Variants in ANOS1 observed in about 807,000 individuals in gnomAD.
ANOS1 encodes anosmin 1.
In ANOS1, 6 loss-of-function variants were observed where a neutral mutation model predicts 59.0. That is an observed-to-expected ratio of 0.10 (90% confidence interval 0.06 to 0.20). The LOEUF (loss-of-function observed/expected upper bound fraction) is 0.20, where lower values mean the gene tolerates loss of function less well. ANOS1 is among the 10% of genes least tolerant of loss of function. The pLI is 1.00. For missense variants in ANOS1, 433 were observed against 542.3 expected (o/e 0.80, Z 2.00); for synonymous variants, 217 against 223.4 (o/e 0.97, Z 0.25).
At chrX:8,662,409 G>A (rs758521710) in intron 2 of ANOS1, among the ~76,000 whole-genome samples, 5 of 111,425 alleles carry the variant, frequency 4.5e-5, no homozygotes, top group Admixed American at 9.6e-5. Flanking sequence ...TCATCTTCGC[G>A]GGCCATGCAG....
rs1304219147 is a variant in ANOS1 at position 8,536,188 on chromosome X, CT to C, written c.1622-378del. 8.9e-3 allele frequency among the ~76,000 whole-genome samples: 284 copies of C among 31,883 alleles called. 8 individuals carry two copies. In the Admixed American group the frequency reaches 0.11, roughly 12 times the overall value. The allele number at this position is 31,883 out of a possible 115,157, so 27.7% of individuals were successfully genotyped here. A position where few individuals can be genotyped will look rare whatever the true frequency, so the allele number is the denominator to read the frequency against. On this transcript the variant is annotated intron_variant, in intron 11 of 13. Transcript: ENST00000262648. ...GTTAGAAGAGTTATTAAATCCGAAG[CT>C]TTTTTTTTTTTTTTTTTTTTTTTTT...
intron 5 of ANOS1, among the ~76,000 whole-genome samples, chrX:8,586,869 A>G (rs1304981150): frequency 9.6e-6 from 1 of 104,593 alleles, no homozygotes; most frequent in Non-Finnish European, 2.0e-5. Flanking sequence ...GTTTTATTTT[A>G]GTGCTTAACC....
chrX:8,565,513 G>C (rs1930095489), intron 8 of ANOS1, among the ~76,000 whole-genome samples: 1 of 112,152 alleles, frequency 8.9e-6, no homozygotes, highest in African/African-American at 3.2e-5. Context: ...TCTTTACAAA[G>C]AATAGATATT....
chrX:8,716,870 GAC>G, intron 1 of ANOS1, among the ~76,000 whole-genome samples: 2 of 112,045 alleles, frequency 1.8e-5, no homozygotes, highest in East Asian at 5.6e-4. Flanking sequence ...GATAGAGACA[GAC>G]ACAGAGATAG....
chrX:8,556,412 G>T (rs1157511282), intron 8 of ANOS1, among the ~76,000 whole-genome samples: 1 of 112,020 alleles, frequency 8.9e-6, no homozygotes, highest in Non-Finnish European at 1.9e-5. Context: ...CAGATGACAT[G>T]ATTGTATATT....
rs771959781 is a variant in ANOS1, at chrX:8,600,504, T to C, written c.319-3248A>G. On this transcript the variant is annotated intron_variant, in intron 3 of 13. Coordinates refer to ENST00000262648, the MANE Select transcript of ANOS1 (RefSeq NM_000216.4). Reference sequence around the variant, plus strand: ...ACATGAGTTGACTGAACTAAAATTATTTCTCAATTTAAGAACTTTAAGGTA... The same window carrying C: ...ACATGAGTTGACTGAACTAAAATTACTTCTCAATTTAAGAACTTTAAGGTA... 1.9e-4 allele frequency among the ~76,000 whole-genome samples: 21 copies of C among 112,515 alleles called. No individual in the cohort carries two copies. The East Asian group carries it at 5.8e-3, about 31-fold the overall frequency.
At chrX:8,573,581 G>C (rs1190331745) in intron 6 of ANOS1, among the ~76,000 whole-genome samples, 1 of 111,352 alleles carries the variant, frequency 9.0e-6, no homozygotes, top group Admixed American at 9.5e-5. Flanking sequence ...CTTTAACATA[G>C]ACTATGCTCC....
Position 8,544,896 on chromosome X carries a change from G to A in ANOS1, c.1355-5138C>T, listed in dbSNP as rs138703653. ...GGCCTGACCAACATGGAGAAACCCCGTCTCTACTAAAAATACAAAATTAGC... is the reference window on the plus strand; with the variant it reads ...GGCCTGACCAACATGGAGAAACCCCATCTCTACTAAAAATACAAAATTAGC... On this transcript the variant is annotated intron_variant, in intron 9 of 13. Coordinates refer to ENST00000262648, the MANE Select transcript of ANOS1 (RefSeq NM_000216.4). Among the ~76,000 whole-genome samples the A allele has an allele frequency of 9.5e-3, 1,028 of 107,968 alleles. 15 individuals are homozygous for A. The highest frequency in any genetic ancestry group is 0.033 in the African/African-American group (967 of 29,645). The allele number at this position is 107,968 out of a possible 115,157, so 93.8% of individuals were successfully genotyped here. A position where few individuals can be genotyped will look rare whatever the true frequency, so the allele number is the denominator to read the frequency against.
chrX:8,685,623 A>AGAAG, intron 2 of ANOS1, among the ~76,000 whole-genome samples: 1 of 102,724 alleles, frequency 9.7e-6, no homozygotes, highest in South Asian at 4.8e-4. Flanking sequence ...AAAGAAAGAA[A>AGAAG]GAAAGAAAGA....
chrX:8,581,049 T>C (rs1930412239), intron 6 of ANOS1, among the ~76,000 whole-genome samples: 1 of 111,732 alleles, frequency 8.9e-6, no homozygotes, highest in South Asian at 3.7e-4. Flanking sequence ...ACCACGGTCA[T>C]TGCAGTTATT....
intron 2 of ANOS1, among the ~76,000 whole-genome samples, chrX:8,694,000 G>T (rs754613336): frequency 3.6e-5 from 4 of 111,428 alleles, no homozygotes; most frequent in African/African-American, 1.3e-4. Context: ...GGGATTACAG[G>T]CGTGGGCCAC....
chrX:8,636,790 A>G (rs5933674), intron 2 of ANOS1, among the ~76,000 whole-genome samples: 40,895 of 110,793 alleles, frequency 0.37, 5,855 homozygotes, highest in Middle Eastern at 0.55. Flanking sequence ...AGCTTTGTCA[A>G]CATGAAAGCT....
At chrX:8,656,247 G>A (rs1049114712) in intron 2 of ANOS1, among the ~76,000 whole-genome samples, 1 of 112,590 alleles carries the variant, frequency 8.9e-6, no homozygotes, top group South Asian at 3.7e-4. Context: ...GGCTAAACCT[G>A]TTGCCTCTCT....
At chrX:8,546,863 G>T (rs1379271142) in intron 9 of ANOS1, among the ~76,000 whole-genome samples, 2 of 111,699 alleles carry the variant, frequency 1.8e-5, no homozygotes, top group Non-Finnish European at 1.9e-5. Context: ...CTTCAGGCAG[G>T]TCTTAATATC....
intron 2 of ANOS1, among the ~76,000 whole-genome samples, chrX:8,625,156 C>T (rs995488137): frequency 5.4e-4 from 60 of 110,412 alleles, no homozygotes; most frequent in African/African-American, 1.7e-3. Context: ...TGTGTACATA[C>T]GGGATGTCTG....
rs192011401 is a variant in ANOS1, at chrX:8,555,292, C to T, written c.1208-1194G>A. 5.9e-4 allele frequency among the ~76,000 whole-genome samples: 65 copies of T among 110,713 alleles called. 1 individual carries two copies. Among genetic ancestry groups the T allele is most frequent in the Admixed American group, 5.6e-3 (58 of 10,323 alleles). The stretch of plus-strand genomic sequence containing the variant: ...GGAGAAAGCGGGGAAGATCTAAAAT[C>T]GACACCCTAACATCACAATTAAAAG... On this transcript the variant is annotated intron_variant, in intron 8 of 13. Transcript: ENST00000262648.
chrX:8,703,139 T>C (rs1932764830), intron 1 of ANOS1, among the ~76,000 whole-genome samples: 1 of 112,369 alleles, frequency 8.9e-6, no homozygotes, highest in African/African-American at 3.2e-5. Context: ...ATTTTGTCTG[T>C]GTCTTGGTTG....
intron 2 of ANOS1, among the ~76,000 whole-genome samples, chrX:8,629,327 C>A (rs543609426): frequency 8.9e-6 from 1 of 111,735 alleles, no homozygotes; most frequent in Admixed American, 9.5e-5. Context: ...GTTAAGGAAA[C>A]AAAGCTAGTG....
At chrX:8,694,696 ATTG>A (rs1013319844) in intron 2 of ANOS1, among the ~76,000 whole-genome samples, 1 of 112,112 alleles carries the variant, frequency 8.9e-6, no homozygotes, top group Admixed American at 9.5e-5. Flanking sequence ...AGTAATGTAC[ATTG>A]TTAAGATTGG....
Sources: allele counts gnomAD v4.1 joint callset (sites outside exome capture counted in the v4.1 genomes callset), GRCh38; gene constraint gnomAD v4.1.1; transcripts MANE v1.5; gene names NCBI Gene and HGNC (gene_info 2026-07-23, HGNC 2026-07-21).